SYNE3: variants seen among roughly 807,000 people sequenced by gnomAD.
SYNE3 encodes the protein spectrin repeat containing nuclear envelope family member 3, also known as nesprin-3.
SYNE3 carries 100 observed loss-of-function variants against 111.2 expected under a neutral mutation model. The ratio of observed to expected loss-of-function variants is 0.90; its 90% CI spans 0.77 to 1.06. SYNE3 has a LOEUF of 1.06. SYNE3 is among the 50% of genes least tolerant of loss of function. The pLI is 0.00. For missense variants in SYNE3, 1,160 were observed against 1,240.3 expected, an observed-to-expected ratio of 0.94 and a Z score of 0.97; for synonymous variants, 547 against 533.9, an observed-to-expected ratio of 1.02 and a Z score of -0.34.
Position 95,417,546 on chromosome 14 carries a change from G to T in SYNE3, c.*280C>A. 1 of 457,150 alleles carries T rather than the reference G, an allele frequency of 2.2e-6. No individual in the cohort carries two copies. The highest frequency in any genetic ancestry group is 4.0e-6 in the Non-Finnish European group (1 of 250,690). The allele number at this position is 457,150 out of a possible 1,614,324, so 28.3% of individuals were successfully genotyped here. On this transcript the variant is annotated 3_prime_UTR_variant, in exon 18 of 18. Transcript: ENST00000682763. ...ATTTTCCCAACTCCAAATAGAACTC[G>T]TATATGAAATTATACATACTGAGCA... is the stretch of plus-strand genomic sequence containing the variant.
Position 95,413,696 on chromosome 14 carries a change from C to T in SYNE3, c.*4130G>A, listed in dbSNP as rs1238754264. The T allele has an allele frequency of 1.3e-5, 2 of 152,298 alleles. No individual in the cohort carries two copies. Among genetic ancestry groups the T allele is most frequent in the African/African-American group, 4.8e-5 (2 of 41,454 alleles). 9.4% of individuals were successfully genotyped at this position (152,298 alleles called of 1,614,324 possible). A position where few individuals can be genotyped will look rare whatever the true frequency, so the allele number is the denominator to read the frequency against. ...CCTGAAGATGCCCGGAGACAAGCAT[C>T]TTTGGACCCCCGGTCCCTGCAGGGA... On this transcript the variant is annotated 3_prime_UTR_variant, in exon 18 of 18. Transcript: ENST00000682763.
At chr14:95,505,540 C>T (rs760666154) in intron 1 of SYNE3, among the ~76,000 whole-genome samples, 39 of 152,158 alleles carry the variant, frequency 2.6e-4, no homozygotes, top group Non-Finnish European at 4.7e-4. Context: ...TTGTGCATTA[C>T]GGTCATGATT....
At chr14:95,444,408 C>A in intron 10 of SYNE3, 77 bp downstream of exon 10, 3 of 1,504,772 alleles carry the variant, frequency 2.0e-6, no homozygotes, top group Non-Finnish European at 2.7e-6. Flanking sequence ...TTGCTGGTTA[C>A]TGCTAGAGGG....
At chr14:95,476,887 A>G (rs1888918740) in intron 1 of SYNE3, among the ~76,000 whole-genome samples, 2 of 152,238 alleles carry the variant, frequency 1.3e-5, no homozygotes, top group African/African-American at 4.8e-5. Context: ...AACAACCCAC[A>G]TGCCTAATTA....
chr14:95,444,670 C>T (rs2139406003), intron 9 of SYNE3, 42 bp from the exon 10 acceptor site: 1 of 1,527,646 alleles, frequency 6.5e-7, no homozygotes, highest in East Asian at 2.3e-5. Flanking sequence ...GAGCGTTCCT[C>T]ATGAGCACCG....
intron 11 of SYNE3, among the ~76,000 whole-genome samples, chr14:95,440,391 G>A (rs1254790820): frequency 6.6e-6 from 1 of 152,246 alleles, no homozygotes. Context: ...GAAACCACGG[G>A]TCAGAATCTA....
intron 1 of SYNE3, among the ~76,000 whole-genome samples, chr14:95,499,856 CTTTTTTTT>C (rs10547044): frequency 1.1e-5 from 1 of 90,070 alleles, no homozygotes; most frequent in African/African-American, 4.7e-5. Context: ...TAACTCTTGT[CTTTTTTTT>C]TTTTTTTTTT....
chr14:95,501,740 G>T (rs941495177), intron 1 of SYNE3, among the ~76,000 whole-genome samples: 1 of 152,216 alleles, frequency 6.6e-6, no homozygotes, highest in South Asian at 2.1e-4. Context: ...GAAGCAACAA[G>T]ATGTGCAGCG....
At chr14:95,509,760 C>T (rs535339445) in intron 1 of SYNE3, among the ~76,000 whole-genome samples, 46 of 152,344 alleles carry the variant, frequency 3.0e-4, no homozygotes, top group African/African-American at 8.2e-4. Context: ...GCCATGGTGG[C>T]CCACCCTGTT....
At chr14:95,461,742 A>T (rs1887831146) in intron 4 of SYNE3, among the ~76,000 whole-genome samples, 1 of 152,268 alleles carries the variant, frequency 6.6e-6, no homozygotes, top group Non-Finnish European at 1.5e-5. Flanking sequence ...CCAGGAAGGC[A>T]CGAGGACAGA....
intron 1 of SYNE3, among the ~76,000 whole-genome samples, chr14:95,501,536 G>A (rs1017978797): frequency 6.6e-5 from 10 of 152,186 alleles, no homozygotes; most frequent in African/African-American, 2.4e-4. Context: ...AGCTCACAGC[G>A]CATGCGGAAG....
intron 1 of SYNE3, among the ~76,000 whole-genome samples, chr14:95,481,482 G>A (rs1347519155): frequency 6.6e-6 from 1 of 152,214 alleles, no homozygotes. Context: ...AATGTTAGAT[G>A]TTCCTAGACC....
At chr14:95,507,093 C>A (rs1330413725) in intron 1 of SYNE3, among the ~76,000 whole-genome samples, 5 of 152,244 alleles carry the variant, frequency 3.3e-5, no homozygotes, top group African/African-American at 4.8e-5. Context: ...CACCTTACAG[C>A]AAAGAGAGTT....
chr14:95,444,719 G>C, intron 9 of SYNE3, 91 bp from the exon 10 acceptor site: 2 of 1,442,686 alleles, frequency 1.4e-6, no homozygotes, highest in East Asian at 4.9e-5. Context: ...GCTGCTCTTC[G>C]TCTCGGCCAG....
chr14:95,436,299 C>G (rs1886082258), intron 15 of SYNE3, among the ~76,000 whole-genome samples: 1 of 152,190 alleles, frequency 6.6e-6, no homozygotes, highest in Non-Finnish European at 1.5e-5. Context: ...TGCTATTGCT[C>G]TTTTCTGCCC....
rs1427974972 is a variant in SYNE3 at position 95,431,963 on chromosome 14, T to C, written c.2727+116A>G. 3.3e-6 allele frequency: 4 copies of C among 1,205,186 alleles called. No homozygotes were observed. The African/African-American group carries it at 4.6e-5, about 14-fold the overall frequency. 74.7% of individuals were successfully genotyped at this position (1,205,186 alleles called of 1,614,324 possible). On this transcript the variant is annotated intron_variant, in intron 17 of 17. Transcript: ENST00000682763. ...AGAGTTGATCCCCCATAAATGTTCT[T>C]TGGTCTTCCTGGAACCTTCCAGAAA...
chr14:95,486,227 C>T (rs1889539024), intron 1 of SYNE3, among the ~76,000 whole-genome samples: 1 of 152,128 alleles, frequency 6.6e-6, no homozygotes, highest in African/African-American at 2.4e-5. Context: ...CCCCCATCAC[C>T]CCCAAGAAGA....
At chr14:95,449,771 A>G (rs1426385079) in intron 8 of SYNE3, among the ~76,000 whole-genome samples, 160 bp downstream of exon 8, 1 of 152,218 alleles carries the variant, frequency 6.6e-6, no homozygotes, top group Non-Finnish European at 1.5e-5. Context: ...GCAAGCATGG[A>G]CGCTCCCTGT....
chr14:95,439,995 G>C lies in SYNE3; in HGVS notation c.1992C>G (p.Ile664Met). Reference sequence around the variant, plus strand: ...CCTCCAGCTTTTGCGTGGTCACAACGATCCACTGCCGCAGCTCCAGCAGCT... The same window carrying C: ...CCTCCAGCTTTTGCGTGGTCACAACCATCCACTGCCGCAGCTCCAGCAGCT... ...SHQLLELRQW[I>M]VVTTQKLEAH... is the part of the protein sequence containing the mutation. Residue 664 changes from isoleucine (I) to methionine (M), a missense_variant, in exon 12 of 18, where the codon ATC becomes ATG. Transcript: ENST00000682763. The C allele has an allele frequency of 1.9e-6, 3 of 1,613,456 alleles. No homozygotes were observed. Among genetic ancestry groups the C allele is most frequent in the South Asian group, 1.1e-5 (1 of 91,080 alleles).
Sources: gnomAD v4.1 joint callset for allele counts (sites outside exome capture counted in the v4.1 genomes callset) on GRCh38, gnomAD v4.1.1 for gene constraint, MANE v1.5 for transcripts, NCBI Gene and HGNC (gene_info 2026-07-23, HGNC 2026-07-21) for gene names.